Variants in RASEF observed in about 807,000 individuals in gnomAD.
RASEF encodes RAS and EF-hand domain containing.
In RASEF, 68 loss-of-function variants were observed where a neutral mutation model predicts 90.1. The observed-to-expected ratio is 0.75, with a 90% CI of 0.62 to 0.92. RASEF has a LOEUF of 0.92. Among genes scored for constraint, RASEF ranks in the 40% least tolerant of loss-of-function variants. The pLI is 0.00. For missense variants in RASEF, 949 were observed against 937.2 expected (o/e 1.01, Z -0.16); for synonymous variants, 331 against 345.2 (o/e 0.96, Z 0.46).
chr9:83,169,016 G>A, the RASEF span, among the ~76,000 whole-genome samples: 8 of 151,380 alleles, frequency 5.3e-5, no homozygotes, highest in African/African-American at 1.7e-4. Flanking sequence ...CTAGCCTCTG[G>A]CAACCACCAT....
the RASEF span, among the ~76,000 whole-genome samples, chr9:83,102,770 A>T: frequency 3.3e-5 from 5 of 152,256 alleles, no homozygotes; most frequent in African/African-American, 1.2e-4. Flanking sequence ...GCCACCCCTT[A>T]TTGTCTGGTA....
the RASEF span, among the ~76,000 whole-genome samples, chr9:83,203,318 C>T: frequency 2.6e-5 from 4 of 151,732 alleles, no homozygotes; most frequent in African/African-American, 7.3e-5. Context: ...TTCTGTCACC[C>T]GGGCTGCAGT....
chr9:83,034,327 T>C (rs1302379797), intron 1 of RASEF, among the ~76,000 whole-genome samples: 2 of 152,180 alleles, frequency 1.3e-5, no homozygotes, highest in Non-Finnish European at 2.9e-5. Context: ...GGCTTCAGTT[T>C]TGCTGTTGTC....
intron 8 of RASEF, 116 bp from the exon 9 acceptor site, chr9:83,004,702 T>C (rs1306950061): frequency 7.9e-6 from 5 of 636,336 alleles, no homozygotes; most frequent in Non-Finnish European, 1.4e-5. Flanking sequence ...CTCAAACTTC[T>C]AATGTAACTA....
chr9:83,181,474 T>C, the RASEF span, among the ~76,000 whole-genome samples: 2 of 152,186 alleles, frequency 1.3e-5, no homozygotes, highest in African/African-American at 4.8e-5. Flanking sequence ...AGTCATGGGA[T>C]GCGATTCCCA....
chr9:83,196,601 T>C, the RASEF span, among the ~76,000 whole-genome samples: 1 of 152,182 alleles, frequency 6.6e-6, no homozygotes, highest in Non-Finnish European at 1.5e-5. Context: ...CATCTAAACA[T>C]AATATTAAAA....
At chr9:83,004,115 C>G (rs1829086619) in intron 9 of RASEF, among the ~76,000 whole-genome samples, 1 of 152,090 alleles carries the variant, frequency 6.6e-6, no homozygotes, top group African/African-American at 2.4e-5. Flanking sequence ...TAATATTATG[C>G]TGAGCTATTA....
the RASEF span, among the ~76,000 whole-genome samples, chr9:83,199,374 G>A: frequency 1.3e-5 from 2 of 151,978 alleles, no homozygotes; most frequent in Admixed American, 6.6e-5. Context: ...GGAGTTGCTC[G>A]CACCATCGCA....
chr9:83,000,380 T>C lies in RASEF; in HGVS notation c.1575+53A>G. On this transcript the variant is annotated intron_variant, in intron 11 of 16. Transcript: ENST00000376447. ...CAGTTTTCATCCTAATAAGTAACAC[T>C]GCACAGAAAATAAGCAGTGTTCATG... 3 of 1,611,862 alleles carry C rather than the reference T, an allele frequency of 1.9e-6. No homozygotes were observed. The Admixed American group carries it at 5.0e-5, about 27-fold the overall frequency.
chr9:82,981,576 A>C lies in RASEF; in HGVS notation c.*1101T>G, dbSNP rs897828559. 1 of 152,222 alleles carries C rather than the reference A, an allele frequency of 6.6e-6. No individual in the cohort carries two copies. The highest frequency in any genetic ancestry group is 2.4e-5 in the African/African-American group (1 of 41,434). 9.4% of individuals were successfully genotyped at this position (152,222 alleles called of 1,614,324 possible). The stretch of plus-strand genomic sequence containing the variant: ...GAAAATGAAAATTTTGCAAAATGTT[A>C]CATCACTCTAAGTACTAGCATTTTT... On this transcript the variant is annotated 3_prime_UTR_variant, in exon 17 of 17. Coordinates refer to ENST00000376447, the MANE Select transcript of RASEF (RefSeq NM_152573.4).
chr9:83,005,575 C>A, intron 7 of RASEF, 75 bp from the exon 8 acceptor site: 1 of 1,078,172 alleles, frequency 9.3e-7, no homozygotes, highest in South Asian at 1.3e-5. Flanking sequence ...ACTTTCTTTT[C>A]TAGCTGTAAC....
intron 7 of RASEF, 75 bp downstream of exon 7, chr9:83,007,362 C>T: frequency 8.4e-7 from 1 of 1,184,342 alleles, no homozygotes. Context: ...AACTCACGTT[C>T]TATGTGTTAT....
chr9:83,207,326 G>A, the RASEF span, among the ~76,000 whole-genome samples: 6 of 152,136 alleles, frequency 3.9e-5, no homozygotes, highest in African/African-American at 9.7e-5. Context: ...TTTTGCTCTC[G>A]AGTTATTTCC....
chr9:83,202,642 GT>G, the RASEF span, among the ~76,000 whole-genome samples: 1 of 151,496 alleles, frequency 6.6e-6, no homozygotes, highest in Non-Finnish European at 1.5e-5. Flanking sequence ...TGCTTGGCTT[GT>G]TTTTTTGTTT....
At chr9:83,176,672 G>A in the RASEF span, among the ~76,000 whole-genome samples, 1 of 151,480 alleles carries the variant, frequency 6.6e-6, no homozygotes, top group East Asian at 1.9e-4. Context: ...TTTAGTGTTT[G>A]CCATATAAAT....
Position 83,004,599 on chromosome 9 carries a change from A to C in RASEF, c.1114-13T>G, listed in dbSNP as rs1829096694. On this transcript the variant is annotated splice_polypyrimidine_tract_variant and intron_variant, in intron 8 of 16. Transcript: ENST00000376447. Reference sequence around the variant, plus strand: ...TATTATTTATATGCTGTAATATAGAAGTAATCATTTGTTAGTTCATGTAAT... The same window carrying C: ...TATTATTTATATGCTGTAATATAGACGTAATCATTTGTTAGTTCATGTAAT... 6.9e-7 allele frequency: 1 copy of C among 1,445,946 alleles called. No individual in the cohort carries two copies. The highest frequency in any genetic ancestry group is 1.4e-5 in the African/African-American group (1 of 71,642). The allele number at this position is 1,445,946 out of a possible 1,614,324, so 89.6% of individuals were successfully genotyped here. A position where few individuals can be genotyped will look rare whatever the true frequency, so the allele number is the denominator to read the frequency against.
the RASEF span, among the ~76,000 whole-genome samples, chr9:83,092,381 C>T: frequency 6.6e-6 from 1 of 152,052 alleles, no homozygotes; most frequent in African/African-American, 2.4e-5. Context: ...GAGTTTGTTC[C>T]TTCTGATGTT....
chr9:83,079,156 G>A, the RASEF span, among the ~76,000 whole-genome samples: 3 of 152,150 alleles, frequency 2.0e-5, no homozygotes, highest in African/African-American at 7.2e-5. Flanking sequence ...GTTTGCCTAG[G>A]TTGTCTTTCA....
At chr9:83,134,408 GCGCACACACACA>G in the RASEF span, among the ~76,000 whole-genome samples, 7 of 135,920 alleles carry the variant, frequency 5.2e-5, no homozygotes, top group Non-Finnish European at 9.5e-5. Flanking sequence ...GATCACAATA[GCGCACACACACA>G]CACACACACA....
Sources: allele counts gnomAD v4.1 joint callset (sites outside exome capture counted in the v4.1 genomes callset), GRCh38; gene constraint gnomAD v4.1.1; transcripts MANE v1.5; gene names NCBI Gene and HGNC (gene_info 2026-07-23, HGNC 2026-07-21).